Variants in PARD6G observed in about 807,000 individuals in gnomAD.
PARD6G encodes par-6 family cell polarity regulator gamma.
In PARD6G, 7 loss-of-function variants were observed where a neutral mutation model predicts 10.7. The observed-to-expected ratio is 0.66, with a 90% confidence interval of 0.37 to 1.23. The LOEUF is 1.23. Ranked by LOEUF, PARD6G falls within the 50% of genes most tolerant of loss-of-function variation. PARD6G has a pLI of 0.02. For synonymous variants in PARD6G, 287 were observed against 269.4 expected (o/e 1.07, Z -0.64); for missense variants, 548 against 571.8 (o/e 0.96, Z 0.42).
At chr18:80,238,953 C>T (rs1047175462) in intron 1 of PARD6G, among the ~76,000 whole-genome samples, 9 of 152,104 alleles carry the variant, frequency 5.9e-5, no homozygotes, top group African/African-American at 2.2e-4. Context: ...AAGCATCCTG[C>T]ACTACAGTGG....
chr18:80,205,951 A>G (rs1967050083), intron 1 of PARD6G, among the ~76,000 whole-genome samples: 1 of 152,230 alleles, frequency 6.6e-6, no homozygotes, highest in African/African-American at 2.4e-5. Context: ...TCACTTCAGT[A>G]TCACCGCAAA....
chr18:80,232,181 C>A (rs556506391), intron 1 of PARD6G, among the ~76,000 whole-genome samples: 54 of 152,238 alleles, frequency 3.5e-4, no homozygotes, highest in African/African-American at 1.2e-3. Flanking sequence ...CCCCCGCCCC[C>A]CAAGCCACAC....
At position 80,189,095 on chromosome 18, in the gene PARD6G, C is replaced by T. The variant is rs1301732023; in HGVS notation, c.295+13615G>A. On this transcript the variant is annotated intron_variant, in intron 2 of 2. Transcript: ENST00000353265. The surrounding 1 kb of genome is among the most constrained non-coding windows in gnomAD (Gnocchi z 5.5). ...GGCTTCATGGCCTGGTTGTGATTCACCCTGTATTTATACAACACTACAGCA... is the reference window on the plus strand; with the variant it reads ...GGCTTCATGGCCTGGTTGTGATTCATCCTGTATTTATACAACACTACAGCA... 6.6e-6 allele frequency among the ~76,000 whole-genome samples: 1 copy of T among 152,204 alleles called. No individual in the cohort carries two copies. The highest frequency in any genetic ancestry group is 2.4e-5 in the African/African-American group (1 of 41,446).
intron 1 of PARD6G, among the ~76,000 whole-genome samples, chr18:80,212,969 T>G (rs544187245): frequency 6.6e-6 from 1 of 152,202 alleles, no homozygotes; most frequent in Non-Finnish European, 1.5e-5. Flanking sequence ...TAATAAATAT[T>G]TGGGGTCTTT....
At chr18:80,194,720 A>G (rs1599859442) in intron 2 of PARD6G, among the ~76,000 whole-genome samples, 1 of 152,164 alleles carries the variant, frequency 6.6e-6, no homozygotes, top group Non-Finnish European at 1.5e-5. Context: ...GGGTTCCTGA[A>G]GTAACAATGG....
In PARD6G at chr18:80,159,476, A is replaced by C. The variant is rs2052679568; in HGVS notation, c.*295T>G. The C allele has an allele frequency of 3.1e-6, 1 of 323,232 alleles. No homozygotes were observed. Among genetic ancestry groups the C allele is most frequent in the Non-Finnish European group, 5.5e-6 (1 of 181,948 alleles). The allele number at this position is 323,232 out of a possible 1,614,324, so 20.0% of individuals were successfully genotyped here. A position where few individuals can be genotyped will look rare whatever the true frequency, so the allele number is the denominator to read the frequency against. On this transcript the variant is annotated 3_prime_UTR_variant, in exon 3 of 3. Coordinates refer to ENST00000353265, the MANE Select transcript of PARD6G (RefSeq NM_032510.4). ...CTTTAAAAACAAAGTATTTGTAAAA[A>C]TTTTAAAAAGCATTTTTTTGCACTT... is the stretch of plus-strand genomic sequence containing the variant.
rs1443639945 is a variant in PARD6G, at chr18:80,183,121, G to A, written c.295+19589C>T. 2 of 703,016 alleles carry A rather than the reference G, an allele frequency of 2.8e-6. No individual in the cohort carries two copies. Among genetic ancestry groups the A allele is most frequent in the South Asian group, 3.0e-5 (2 of 67,590 alleles). The allele number at this position is 703,016 out of a possible 1,614,324, so 43.5% of individuals were successfully genotyped here. On this transcript the variant is annotated intron_variant, in intron 2 of 2. Coordinates refer to ENST00000353265, the MANE Select transcript of PARD6G (RefSeq NM_032510.4). This position sits in a 1 kb window ranked among gnomAD's most constrained non-coding sequence, Gnocchi z 4.5. ...TTCAAACCAAGATTTGAGCTGAAGA[G>A]TCAGGTTCCTGGTCGCAGGGCTCCG...
intron 2 of PARD6G, among the ~76,000 whole-genome samples, chr18:80,165,678 C>T (rs1568425844): frequency 6.6e-6 from 1 of 152,162 alleles, no homozygotes; most frequent in Non-Finnish European, 1.5e-5. Context: ...ATTCAGGGTC[C>T]CTGACTTCCC....
rs1055082497 is a variant in PARD6G, at chr18:80,247,185, C to T, written c.72+92G>A. On this transcript the variant is annotated intron_variant, in intron 1 of 2. Coordinates refer to ENST00000353265, the MANE Select transcript of PARD6G (RefSeq NM_032510.4). This position sits in a 1 kb window ranked among gnomAD's most constrained non-coding sequence, Gnocchi z 4.2. ...GGAAAGTTGTCGCCGGCGCCTGTCGCCTCCACGCCGCCCCAGTCCCCCTCC... is the reference window on the plus strand; with the variant it reads ...GGAAAGTTGTCGCCGGCGCCTGTCGTCTCCACGCCGCCCCAGTCCCCCTCC... The T allele has an allele frequency of 1.9e-5, 20 of 1,055,766 alleles. No homozygotes were observed. In the African/African-American group the frequency reaches 3.0e-4, roughly 16 times the overall value. The allele number at this position is 1,055,766 out of a possible 1,614,324, so 65.4% of individuals were successfully genotyped here.
At chr18:80,195,600 T>C (rs1045743875) in intron 2 of PARD6G, among the ~76,000 whole-genome samples, 5 of 141,554 alleles carry the variant, frequency 3.5e-5, no homozygotes, top group African/African-American at 1.3e-4. Context: ...TTTTTTTTTC[T>C]GACCAGGTGC....
chr18:80,237,956 A>G (rs1967443716), intron 1 of PARD6G, among the ~76,000 whole-genome samples: 2 of 152,218 alleles, frequency 1.3e-5, no homozygotes, highest in South Asian at 4.1e-4. Flanking sequence ...TCAGGGATCT[A>G]GAACTAGAAA....
At chr18:80,205,146 G>T (rs1466323836) in intron 1 of PARD6G, among the ~76,000 whole-genome samples, 1 of 152,074 alleles carries the variant, frequency 6.6e-6, no homozygotes, top group Non-Finnish European at 1.5e-5. Flanking sequence ...TCTATCTCCT[G>T]CTATTGTCAG....
At chr18:80,230,643 C>G (rs938109825) in intron 1 of PARD6G, among the ~76,000 whole-genome samples, 7 of 152,198 alleles carry the variant, frequency 4.6e-5, no homozygotes, top group Non-Finnish European at 7.3e-5. Flanking sequence ...TGAGCACAGA[C>G]AGTCCCTGCA....
At chr18:80,185,507 T>C (rs748718389) in intron 2 of PARD6G, among the ~76,000 whole-genome samples, 4 of 152,240 alleles carry the variant, frequency 2.6e-5, no homozygotes, top group South Asian at 2.1e-4. Flanking sequence ...TTTTCTTATC[T>C]AGTTAAATTT....
chr18:80,160,831 A>G (rs1431473144), intron 2 of PARD6G, among the ~76,000 whole-genome samples: 1 of 152,124 alleles, frequency 6.6e-6, no homozygotes, highest in African/African-American at 2.4e-5. Context: ...CACCAAACCA[A>G]AGAACTCAGA....
intron 2 of PARD6G, among the ~76,000 whole-genome samples, chr18:80,195,548 C>CATATATATATATATAT (rs201373415): frequency 0.062 from 5,070 of 81,320 alleles, 467 homozygotes; most frequent in Non-Finnish European, 0.095. Flanking sequence ...TTCAAAGATA[C>CATATATATATATATAT]ATATATATAT....
At chr18:80,238,482 A>T (rs1967450843) in intron 1 of PARD6G, among the ~76,000 whole-genome samples, 1 of 142,342 alleles carries the variant, frequency 7.0e-6, no homozygotes, top group Admixed American at 6.9e-5. Context: ...CCTAAAACTT[A>T]AAGTATAACA....
intron 2 of PARD6G, among the ~76,000 whole-genome samples, chr18:80,187,577 AG>A (rs763886908): frequency 4.6e-5 from 7 of 152,296 alleles, no homozygotes; most frequent in East Asian, 1.9e-4. Flanking sequence ...AGGACACCCT[AG>A]CCCCTTCCCT....
intron 1 of PARD6G, among the ~76,000 whole-genome samples, chr18:80,226,181 T>TAGACGGAG (rs1432393049): frequency 2.1e-5 from 3 of 143,600 alleles, no homozygotes; most frequent in African/African-American, 5.2e-5. Context: ...TTTTTTTTTT[T>TAGACGGAG]TTTTTTAGAC....
Sources: gnomAD v4.1 joint callset for allele counts (sites outside exome capture counted in the v4.1 genomes callset) on GRCh38, gnomAD v4.1.1 for gene constraint, Gnocchi (gnomAD v3.1) non-coding constraint, MANE v1.5 for transcripts, NCBI Gene and HGNC (gene_info 2026-07-23, HGNC 2026-07-21) for gene names.